SMOX: variants seen among roughly 807,000 people sequenced by gnomAD.
SMOX encodes flavin containing amine oxidase.
A neutral mutation model predicts 51.0 loss-of-function variants in SMOX; 22 were observed. The observed-to-expected ratio is 0.43, with a 90% CI of 0.31 to 0.62. The LOEUF is 0.62. Among genes scored for constraint, SMOX ranks in the 20% least tolerant of loss-of-function variants. The probability of loss-of-function intolerance (pLI) is 0.10; values close to 1 mark genes in which losing one functional copy is unlikely to be tolerated. For missense variants in SMOX, 566 were observed against 777.7 expected (o/e 0.73, Z 3.24); for synonymous variants, 282 against 307.8 (o/e 0.92, Z 0.88).
In SMOX at chr20:4,182,292, C is replaced by T. The variant is rs1979390562; in HGVS notation, c.813C>T (p.Ala271=). 1 of 1,608,446 alleles carries T rather than the reference C, an allele frequency of 6.2e-7. No homozygotes were observed. The change falls in exon 5 of 7, where the codon GCC becomes GCT. Residue 271 remains alanine (A), a synonymous_variant. Coordinates refer to ENST00000305958, the MANE Select transcript of SMOX (RefSeq NM_175839.3). This position sits in a 1 kb window ranked among gnomAD's most constrained non-coding sequence, Gnocchi z 8.4. ...GCATTCACTGGGACCAGGCCTCAGCCCGCCCCAGAGGCCCTGAGATTGAGC... is the reference window on the plus strand; with the variant it reads ...GCATTCACTGGGACCAGGCCTCAGCTCGCCCCAGAGGCCCTGAGATTGAGC... ...VRCIHWDQAS[A]RPRGPEIEPR...
At chr20:4,158,839 T>G (rs1986164750) in intron 1 of SMOX, among the ~76,000 whole-genome samples, 2 of 152,094 alleles carry the variant, frequency 1.3e-5, no homozygotes, top group South Asian at 2.1e-4. Context: ...AGCGCACCTC[T>G]GATCCTGGCG....
At chr20:4,184,304 A>G (rs972807566) in intron 6 of SMOX, among the ~76,000 whole-genome samples, 12 of 151,996 alleles carry the variant, frequency 7.9e-5, no homozygotes, top group African/African-American at 2.9e-4. Flanking sequence ...CCAATACAGT[A>G]AAGTTTTTGT....
chr20:4,155,385 C>T (rs544554144), intron 1 of SMOX, among the ~76,000 whole-genome samples: 37 of 151,396 alleles, frequency 2.4e-4, no homozygotes, highest in Non-Finnish European at 4.0e-4. Flanking sequence ...TCTTATCCCA[C>T]TCTGGCCACC....
At position 4,170,215 on chromosome 20, in the gene SMOX, A is replaced by G. The variant is rs888230827; in HGVS notation, c.-26-4815A>G. ...GGAGGTGACATGATTCAGGCTGTGG[A>G]GTTGCCATGGCTTGACCCGATGTAT... is the stretch of plus-strand genomic sequence containing the variant. On this transcript the variant is annotated intron_variant, in intron 1 of 6. Transcript: ENST00000305958. This position sits in a 1 kb window ranked among gnomAD's most constrained non-coding sequence, Gnocchi z 4.6. 5.3e-5 allele frequency among the ~76,000 whole-genome samples: 8 copies of G among 151,854 alleles called. No homozygotes were observed. Among genetic ancestry groups the G allele is most frequent in the Non-Finnish European group, 8.8e-5 (6 of 67,992 alleles).
intron 3 of SMOX, among the ~76,000 whole-genome samples, chr20:4,180,066 G>A (rs1979207550): frequency 6.6e-6 from 1 of 152,208 alleles, no homozygotes; most frequent in Non-Finnish European, 1.5e-5. Flanking sequence ...CTACCAGGTT[G>A]CTTATCGCCC....
rs1985861091 is a variant in SMOX at position 4,153,450 on chromosome 20, A to AGGAG, written c.-27+4476_-27+4479dup. Among the ~76,000 whole-genome samples the AGGAG allele has an allele frequency of 1.3e-5, 2 of 152,010 alleles. No homozygotes were observed. The highest frequency in any genetic ancestry group is 4.8e-5 in the African/African-American group (2 of 41,372). On this transcript the variant is annotated intron_variant, in intron 1 of 6. Transcript: ENST00000305958. This position sits in a 1 kb window ranked among gnomAD's most constrained non-coding sequence, Gnocchi z 4.4. ...TGAGGAACTGGGCCAGGAAGGAGGG[A>AGGAG]GGAGGGTGTGTCAGCTCTGCCCTGG...
chr20:4,160,555 G>A (rs1438350576), intron 1 of SMOX, among the ~76,000 whole-genome samples: 1 of 152,112 alleles, frequency 6.6e-6, no homozygotes, highest in Non-Finnish European at 1.5e-5. Context: ...ATTAAAGGAT[G>A]CAGTGAATGG....
In SMOX at chr20:4,182,649, C is replaced by G; in HGVS notation, c.1170C>G (p.Asp390Glu). 1 of 1,614,024 alleles carries G rather than the reference C, an allele frequency of 6.2e-7. No homozygotes were observed. ...ACAGCCTACAGTTTGTGTGGGAGGACGAAGCAGAGAGCCACACCCTCACCT... is the reference window on the plus strand; with the variant it reads ...ACAGCCTACAGTTTGTGTGGGAGGAGGAAGCAGAGAGCCACACCCTCACCT... ...ECNSLQFVWE[D>E]EAESHTLTYP... The change falls in exon 5 of 7, where the codon GAC becomes GAG. Residue 390 changes from aspartate to glutamate, a missense_variant. By Grantham distance (45) the Asp-to-Glu change is conservative. Around this residue, in one of 3 missense-constraint regions of SMOX, gnomAD observed 347 missense variants for 481.8 expected, o/e 0.72. Coordinates refer to ENST00000305958, the MANE Select transcript of SMOX (RefSeq NM_175839.3). The surrounding 1 kb of genome is among the most constrained non-coding windows in gnomAD (Gnocchi z 8.4).
At position 4,187,541 on chromosome 20, in the gene SMOX, CT is replaced by C; in HGVS notation, c.*136del. 7.6e-7 allele frequency: 1 copy of C among 1,318,420 alleles called. No homozygotes were observed. The allele number at this position is 1,318,420 out of a possible 1,614,324, so 81.7% of individuals were successfully genotyped here. Reference sequence around the variant, plus strand: ...CTGTAGAGCTAGCCGCCCTGACTGCCTTCAGACCTGGCCCTGTAGCTTTTCT... The same window carrying C: ...CTGTAGAGCTAGCCGCCCTGACTGCCTCAGACCTGGCCCTGTAGCTTTTCT... On this transcript the variant is annotated 3_prime_UTR_variant, in exon 7 of 7. Transcript: ENST00000305958. The surrounding 1 kb of genome is among the most constrained non-coding windows in gnomAD (Gnocchi z 4.8).
intron 6 of SMOX, among the ~76,000 whole-genome samples, chr20:4,185,426 A>T (rs1167303926): frequency 6.6e-6 from 1 of 151,942 alleles, no homozygotes; most frequent in Non-Finnish European, 1.5e-5. Flanking sequence ...CCTGGCCAAC[A>T]TGGCGAAACC....
intron 1 of SMOX, among the ~76,000 whole-genome samples, chr20:4,159,055 G>A (rs1008854252): frequency 6.6e-6 from 1 of 151,890 alleles, no homozygotes; most frequent in Non-Finnish European, 1.5e-5. Context: ...AACCTTGAGA[G>A]TTAATCTGAA....
In SMOX at chr20:4,170,991, G is replaced by A. The variant is rs763036955; in HGVS notation, c.-26-4039G>A. On this transcript the variant is annotated intron_variant, in intron 1 of 6. Transcript: ENST00000305958. This position sits in a 1 kb window ranked among gnomAD's most constrained non-coding sequence, Gnocchi z 4.6. Reference sequence around the variant, plus strand: ...ATAACCTCAAGGCGTGGGTGCAGGCGCTGGGCAAGAGGCTCACACCCCCAC... The same window carrying A: ...ATAACCTCAAGGCGTGGGTGCAGGCACTGGGCAAGAGGCTCACACCCCCAC... 2.0e-4 allele frequency among the ~76,000 whole-genome samples: 31 copies of A among 152,172 alleles called. No homozygotes were observed. The highest frequency in any genetic ancestry group is 5.3e-4 in the African/African-American group (22 of 41,410).
chr20:4,151,286 C>CAA (rs1985746309), intron 1 of SMOX, among the ~76,000 whole-genome samples: 9 of 152,044 alleles, frequency 5.9e-5, no homozygotes, highest in African/African-American at 2.2e-4. Flanking sequence ...CAAGCCAAGC[C>CAA]GCGTAACCCT....
chr20:4,161,785 G>A (rs6139336), intron 1 of SMOX, among the ~76,000 whole-genome samples: 8 of 152,282 alleles, frequency 5.3e-5, no homozygotes, highest in African/African-American at 1.9e-4. Context: ...CCAGTGCCTC[G>A]GACAGTGCCT....
chr20:4,164,300 A>G (rs1216221717), intron 1 of SMOX, among the ~76,000 whole-genome samples: 1 of 152,066 alleles, frequency 6.6e-6, no homozygotes, highest in Non-Finnish European at 1.5e-5. Flanking sequence ...AGTGACTACC[A>G]CTAGTGTGCA....
chr20:4,175,798 G>T (rs754102992), intron 2 of SMOX, among the ~76,000 whole-genome samples: 38 of 149,646 alleles, frequency 2.5e-4, no homozygotes, highest in Non-Finnish European at 4.4e-4. Context: ...AAGCAGCCAG[G>T]TAAGAGACTT....
intron 1 of SMOX, among the ~76,000 whole-genome samples, chr20:4,161,011 G>A (rs531733666): frequency 1.1e-4 from 17 of 152,334 alleles, no homozygotes; most frequent in African/African-American, 3.1e-4. Flanking sequence ...GGGGAACTGC[G>A]CCCGGCTGAG....
rs996214055 is a variant in SMOX at position 4,172,757 on chromosome 20, G to A, written c.-26-2273G>A. On this transcript the variant is annotated intron_variant, in intron 1 of 6. Transcript: ENST00000305958. This position sits in a 1 kb window ranked among gnomAD's most constrained non-coding sequence, Gnocchi z 7.7. ...GATTCTGCACGGAGTTGGCGGGCCT[G>A]GGTCTCAGGGGGACTTGGAGGGATT... Among the ~76,000 whole-genome samples the A allele has an allele frequency of 6.7e-6, 1 of 149,320 alleles. No individual in the cohort carries two copies. Among genetic ancestry groups the A allele is most frequent in the Non-Finnish European group, 1.5e-5 (1 of 67,464 alleles).
At chr20:4,158,158 C>T (rs1379183384) in intron 1 of SMOX, among the ~76,000 whole-genome samples, 2 of 151,954 alleles carry the variant, frequency 1.3e-5, no homozygotes, top group Non-Finnish European at 2.9e-5. Context: ...CCTTGGCCTC[C>T]CAAAGTGCTG....
Sources: gnomAD v4.1 joint callset for allele counts (sites outside exome capture counted in the v4.1 genomes callset) on GRCh38, gnomAD v4.1.1 for gene constraint, gnomAD v4.1.1 regional missense constraint, Gnocchi (gnomAD v3.1) non-coding constraint, MANE v1.5 for transcripts, NCBI Gene and HGNC (gene_info 2026-07-23, HGNC 2026-07-21) for gene names.